The following NDST4 variants were observed in gnomAD, a reference collection of about 807,000 sequenced individuals.
NDST4 encodes N-heparan sulfate sulfotransferase 4.
In NDST4, 63 loss-of-function variants were observed where a neutral mutation model predicts 100.8. The ratio of observed to expected loss-of-function variants is 0.62; its 90% CI spans 0.51 to 0.77. The LOEUF (loss-of-function observed/expected upper bound fraction) is 0.77. NDST4 is among the 30% of genes least tolerant of loss of function. The pLI is 0.00. For synonymous variants in NDST4, 377 were observed against 361.8 expected (o/e 1.04, Z -0.48); for missense variants, 943 against 1,018.4 (o/e 0.93, Z 1.01).
intron 2 of NDST4, among the ~76,000 whole-genome samples, chr4:115,036,121 A>G (rs1352440744): frequency 6.6e-6 from 1 of 151,768 alleles, no homozygotes; most frequent in Non-Finnish European, 1.5e-5. Context: ...CACAAAAATT[A>G]TTTTTTATGT....
intron 7 of NDST4, among the ~76,000 whole-genome samples, chr4:114,864,287 G>A (rs1158065513): frequency 1.3e-5 from 2 of 152,192 alleles, no homozygotes; most frequent in Non-Finnish European, 2.9e-5. Flanking sequence ...AAACATTTCA[G>A]AGGCCATTGG....
chr4:114,985,377 A>C (rs1438963762), intron 2 of NDST4, among the ~76,000 whole-genome samples: 1 of 152,218 alleles, frequency 6.6e-6, no homozygotes, highest in East Asian at 1.9e-4. Flanking sequence ...TCATTCATTC[A>C]AACAATATTA....
chr4:114,972,799 T>C (rs564400165), intron 3 of NDST4, among the ~76,000 whole-genome samples: 14 of 152,164 alleles, frequency 9.2e-5, no homozygotes, highest in South Asian at 4.1e-4. Context: ...AGGAAGCACA[T>C]AATGCACACT....
At chr4:114,894,515 T>C (rs1055177996) in intron 6 of NDST4, among the ~76,000 whole-genome samples, 3 of 152,172 alleles carry the variant, frequency 2.0e-5, no homozygotes, top group African/African-American at 7.2e-5. Flanking sequence ...TGAATGCGAG[T>C]TCATTCAAGA....
At chr4:114,900,746 C>T (rs555799745) in intron 6 of NDST4, among the ~76,000 whole-genome samples, 19 of 152,212 alleles carry the variant, frequency 1.2e-4, no homozygotes, top group Non-Finnish European at 2.1e-4. Flanking sequence ...AATGTATCCC[C>T]GTCATTGTTA....
intron 6 of NDST4, among the ~76,000 whole-genome samples, chr4:114,906,376 AT>A (rs150991030): frequency 6.6e-5 from 10 of 150,800 alleles, no homozygotes; most frequent in East Asian, 3.9e-4. Flanking sequence ...CTCTAGCGGC[AT>A]TTTTTTTTGT....
chr4:114,964,192 G>A (rs1013194983), intron 4 of NDST4, among the ~76,000 whole-genome samples: 16 of 152,174 alleles, frequency 1.1e-4, no homozygotes, highest in African/African-American at 3.9e-4. Context: ...GACCCAGGCA[G>A]CAGCTGGTGG....
intron 6 of NDST4, among the ~76,000 whole-genome samples, chr4:114,893,548 G>A (rs926789580): frequency 3.3e-5 from 5 of 151,330 alleles, no homozygotes; most frequent in African/African-American, 9.7e-5. Flanking sequence ...GTCTTCTTTT[G>A]AGAAGTGTCT....
chr4:114,926,047 C>A (rs1725380056), intron 6 of NDST4, among the ~76,000 whole-genome samples: 1 of 152,082 alleles, frequency 6.6e-6, no homozygotes, highest in Non-Finnish European at 1.5e-5. Context: ...TAAGCTGTTT[C>A]ACCTCATACA....
rs191569000 is a variant in NDST4 at position 115,033,829 on chromosome 4, T to C, written c.978+42230A>G. Among the ~76,000 whole-genome samples, 399 of 152,272 alleles carry C rather than the reference T, an allele frequency of 2.6e-3. 5 individuals are homozygous for C. The highest frequency in any genetic ancestry group is 9.2e-3 in the African/African-American group (382 of 41,570). On this transcript the variant is annotated intron_variant, in intron 2 of 13. Transcript: ENST00000264363. ...AAAAACATACTTCTTAAAAGCTAGTTTAGAATTAACATAAATTACAAAAAG... is the reference window on the plus strand; with the variant it reads ...AAAAACATACTTCTTAAAAGCTAGTCTAGAATTAACATAAATTACAAAAAG...
intron 2 of NDST4, among the ~76,000 whole-genome samples, chr4:115,001,425 C>A (rs1727287319): frequency 1.3e-5 from 2 of 151,990 alleles, no homozygotes; most frequent in Non-Finnish European, 2.9e-5. Flanking sequence ...CCCACCTAGA[C>A]TATCAGAGCT....
At chr4:114,937,915 C>T (rs1247702126) in intron 4 of NDST4, among the ~76,000 whole-genome samples, 1 of 151,778 alleles carries the variant, frequency 6.6e-6, no homozygotes, top group Non-Finnish European at 1.5e-5. Flanking sequence ...TGAAGAAAAT[C>T]AGAAAGGTAA....
chr4:115,017,901 G>A (rs137904278), intron 2 of NDST4, among the ~76,000 whole-genome samples: 1 of 151,618 alleles, frequency 6.6e-6, no homozygotes, highest in Non-Finnish European at 1.5e-5. Flanking sequence ...TATCTGGTTA[G>A]AACAATTAGA....
intron 7 of NDST4, among the ~76,000 whole-genome samples, chr4:114,870,463 A>T (rs990472508): frequency 6.6e-6 from 1 of 152,126 alleles, no homozygotes. Flanking sequence ...TAGTGCTCAC[A>T]CTGCATGCAA....
intron 6 of NDST4, among the ~76,000 whole-genome samples, chr4:114,876,332 C>T (rs1163525990): frequency 6.6e-6 from 1 of 152,136 alleles, no homozygotes; most frequent in Non-Finnish European, 1.5e-5. Flanking sequence ...TTTTAGTTCT[C>T]ATAAAATGTG....
chr4:114,963,714 G>A (rs1726316900), intron 4 of NDST4, among the ~76,000 whole-genome samples: 1 of 152,172 alleles, frequency 6.6e-6, no homozygotes, highest in South Asian at 2.1e-4. Context: ...GATTAGATGA[G>A]AGAAAGAAAG....
intron 2 of NDST4, among the ~76,000 whole-genome samples, chr4:114,977,758 T>A (rs1189973455): frequency 6.6e-6 from 1 of 152,026 alleles, no homozygotes; most frequent in African/African-American, 2.4e-5. Flanking sequence ...ATTGAAAGCT[T>A]GGGTTTTTAC....
At chr4:114,878,761 A>G (rs1724308354) in intron 6 of NDST4, among the ~76,000 whole-genome samples, 1 of 152,034 alleles carries the variant, frequency 6.6e-6, no homozygotes, top group Non-Finnish European at 1.5e-5. Context: ...GTATATTATC[A>G]CCATGGATAT....
In NDST4 at chr4:114,937,509, A is replaced by G. The variant is rs1725656090; in HGVS notation, c.1222-6T>C. 1 of 1,537,562 alleles carries G rather than the reference A, an allele frequency of 6.5e-7. No individual in the cohort carries two copies. The highest frequency in any genetic ancestry group is 1.4e-5 in the African/African-American group (1 of 72,146). ...TTGATTGGTATTCCATGTTCCTAAA[A>G]CAAAGCCAGAACAACATCATGATGG... On this transcript the variant is annotated splice_region_variant and splice_polypyrimidine_tract_variant and intron_variant, in intron 4 of 13. Coordinates refer to ENST00000264363, the MANE Select transcript of NDST4 (RefSeq NM_022569.3).
Sources: gnomAD v4.1 joint callset for allele counts (sites outside exome capture counted in the v4.1 genomes callset) on GRCh38, gnomAD v4.1.1 for gene constraint, MANE v1.5 for transcripts, NCBI Gene and HGNC (gene_info 2026-07-23, HGNC 2026-07-21) for gene names.